ULK4: variants seen among roughly 807,000 people sequenced by gnomAD.
The protein encoded by ULK4 is inactive serine/threonine-protein kinase ULK4.
ULK4 carries 133 observed loss-of-function variants against 160.6 expected under a neutral mutation model. The ratio of observed to expected loss-of-function variants is 0.83; its 90% CI spans 0.72 to 0.96. ULK4 has a LOEUF of 0.96. Ranked by LOEUF, ULK4 falls within the 40% of genes least tolerant of loss-of-function variation. The pLI, the probability that ULK4 is intolerant of heterozygous loss-of-function variation, is 0.00. For synonymous variants in ULK4, 534 were observed against 539.8 expected, an observed-to-expected ratio of 0.99 and a Z score of 0.15; for missense variants, 1,580 against 1,499.5, an observed-to-expected ratio of 1.05 and a Z score of -0.89.
chr3:41,475,124 T>C (rs913984754), intron 32 of ULK4, among the ~76,000 whole-genome samples: 112 of 152,134 alleles, frequency 7.4e-4, no homozygotes, highest in African/African-American at 2.6e-3. Flanking sequence ...ATAAAGAAAA[T>C]GTGGTACATA....
At chr3:41,522,073 C>T (rs1237589889) in intron 32 of ULK4, among the ~76,000 whole-genome samples, 2 of 150,608 alleles carry the variant, frequency 1.3e-5, no homozygotes, top group African/African-American at 2.4e-5. Context: ...TCCCTCCTTG[C>T]TATTTTAAAC....
At chr3:41,699,840 C>A (rs1273006965) in intron 27 of ULK4, among the ~76,000 whole-genome samples, 2 of 152,054 alleles carry the variant, frequency 1.3e-5, no homozygotes, top group Non-Finnish European at 2.9e-5. Context: ...TTTATGAAGC[C>A]AGTAAGTTGC....
At chr3:41,747,229 A>T (rs941561788) in intron 22 of ULK4, among the ~76,000 whole-genome samples, 1 of 151,954 alleles carries the variant, frequency 6.6e-6, no homozygotes, top group South Asian at 2.1e-4. Flanking sequence ...ACATGGAGAG[A>T]AAAAATTTGC....
intron 22 of ULK4, among the ~76,000 whole-genome samples, chr3:41,750,693 T>C (rs149505863): frequency 1.8e-3 from 270 of 152,178 alleles, no homozygotes; most frequent in Admixed American, 5.1e-3. Context: ...TAGTTCTGCC[T>C]CCATAAGAAA....
chr3:41,822,726 T>C (rs2041187056), intron 18 of ULK4, among the ~76,000 whole-genome samples: 1 of 145,676 alleles, frequency 6.9e-6, no homozygotes, highest in Non-Finnish European at 1.5e-5. Context: ...GCTGAGATTT[T>C]TTTTTTTTTT....
At chr3:41,386,672 C>T (rs1054539859) in intron 35 of ULK4, among the ~76,000 whole-genome samples, 1 of 152,140 alleles carries the variant, frequency 6.6e-6, no homozygotes. Flanking sequence ...CAATTAGTCA[C>T]CAGACCTGGT....
chr3:41,853,350 T>C (rs900639930), intron 17 of ULK4, among the ~76,000 whole-genome samples: 8 of 152,144 alleles, frequency 5.3e-5, no homozygotes, highest in Non-Finnish European at 2.9e-5. Context: ...CTAGAGACAC[T>C]TCCATCCACC....
chr3:41,476,260 T>C (rs2084141499), intron 32 of ULK4, among the ~76,000 whole-genome samples: 1 of 152,136 alleles, frequency 6.6e-6, no homozygotes, highest in South Asian at 2.1e-4. Flanking sequence ...AACAGGCTAA[T>C]ACATGATGCA....
At chr3:41,651,001 C>T (rs866592794) in intron 30 of ULK4, among the ~76,000 whole-genome samples, 5 of 152,182 alleles carry the variant, frequency 3.3e-5, no homozygotes, top group Admixed American at 2.0e-4. Context: ...CAGCTCTCCC[C>T]TTTGCAGCAG....
intron 17 of ULK4, among the ~76,000 whole-genome samples, chr3:41,881,815 T>C (rs549943685): frequency 1.5e-4 from 23 of 152,294 alleles, no homozygotes; most frequent in African/African-American, 5.3e-4. Context: ...GGAATTAACA[T>C]CCACCCTTTC....
At chr3:41,663,733 T>C in intron 29 of ULK4, 34 bp from the exon 30 acceptor site, 2 of 1,555,258 alleles carry the variant, frequency 1.3e-6, no homozygotes, top group Non-Finnish European at 8.9e-7. Flanking sequence ...AAATACTCAG[T>C]AGGAAAAATT....
intron 18 of ULK4, among the ~76,000 whole-genome samples, chr3:41,827,850 A>C (rs1056931011): frequency 6.6e-6 from 1 of 152,076 alleles, no homozygotes; most frequent in Non-Finnish European, 1.5e-5. Flanking sequence ...CAACCAAAAA[A>C]GAGAATTTTA....
intron 32 of ULK4, among the ~76,000 whole-genome samples, chr3:41,506,142 C>T (rs2085365329): frequency 6.6e-6 from 1 of 152,132 alleles, no homozygotes; most frequent in African/African-American, 2.4e-5. Flanking sequence ...AAATAGATCA[C>T]AAGGTACATT....
intron 19 of ULK4, among the ~76,000 whole-genome samples, chr3:41,802,470 T>A (rs2040490629): frequency 6.6e-6 from 1 of 152,108 alleles, no homozygotes; most frequent in African/African-American, 2.4e-5. Context: ...CCAATTTTTT[T>A]TATTTTTTAA....
At chr3:41,329,225 A>G (rs1270404271) in intron 35 of ULK4, among the ~76,000 whole-genome samples, 1 of 152,226 alleles carries the variant, frequency 6.6e-6, no homozygotes, top group African/African-American at 2.4e-5. Context: ...TCAATACTAC[A>G]AATTCTTAAA....
At chr3:41,492,485 A>G (rs1482063530) in intron 32 of ULK4, among the ~76,000 whole-genome samples, 1 of 151,000 alleles carries the variant, frequency 6.6e-6, no homozygotes, top group Non-Finnish European at 1.5e-5. Context: ...GCCAAAATGT[A>G]AAGACCATTG....
At chr3:41,262,567 G>A (rs1009598098) in intron 35 of ULK4, among the ~76,000 whole-genome samples, 3 of 152,040 alleles carry the variant, frequency 2.0e-5, no homozygotes, top group Admixed American at 6.6e-5. Flanking sequence ...CACCTCTCTT[G>A]CCCAAACTCC....
chr3:41,584,048 G>A (rs1397137536), intron 31 of ULK4, among the ~76,000 whole-genome samples: 1 of 152,206 alleles, frequency 6.6e-6, no homozygotes, highest in East Asian at 1.9e-4. Context: ...CACTAATTAA[G>A]TGGTTCTCTG....
chr3:41,394,831 G>A (rs1456629893), intron 35 of ULK4, among the ~76,000 whole-genome samples: 1 of 152,014 alleles, frequency 6.6e-6, no homozygotes, highest in Non-Finnish European at 1.5e-5. Flanking sequence ...CTGACCCAGG[G>A]TAAACTAGAA....
Sources: gnomAD v4.1 joint callset for allele counts (sites outside exome capture counted in the v4.1 genomes callset) on GRCh38, gnomAD v4.1.1 for gene constraint, MANE v1.5 for transcripts, NCBI Gene and HGNC (gene_info 2026-07-23, HGNC 2026-07-21) for gene names.